Variants in IQCJ observed in about 807,000 individuals in gnomAD.
IQCJ encodes the protein IQ domain-containing protein J.
IQCJ carries 9 observed loss-of-function variants against 11.0 expected under a neutral mutation model. The ratio of observed to expected loss-of-function variants is 0.82; its 90% CI spans 0.49 to 1.43. The LOEUF is 1.43. IQCJ is among the 40% of genes most tolerant of loss of function. The pLI, the probability that IQCJ is intolerant of heterozygous loss-of-function variation, is 0.00. For synonymous variants in IQCJ, 55 were observed against 51.3 expected, an observed-to-expected ratio of 1.07 and a Z score of -0.31; for missense variants, 146 against 133.2, an observed-to-expected ratio of 1.10 and a Z score of -0.47.
At chr3:159,106,396 G>A (rs138957217) in intron 1 of IQCJ, among the ~76,000 whole-genome samples, 1 of 152,268 alleles carries the variant, frequency 6.6e-6, no homozygotes, top group East Asian at 1.9e-4. Flanking sequence ...CATTCAAGGA[G>A]TGAGGGAAGC....
At chr3:159,105,699 G>A (rs996813448) in intron 1 of IQCJ, among the ~76,000 whole-genome samples, 13 of 152,174 alleles carry the variant, frequency 8.5e-5, no homozygotes, top group African/African-American at 2.2e-4. Flanking sequence ...TGGGGCTGGG[G>A]TGGAGGGTGG....
intron 1 of IQCJ, among the ~76,000 whole-genome samples, chr3:159,226,649 G>A (rs548589871): frequency 1.2e-4 from 19 of 152,302 alleles, no homozygotes; most frequent in African/African-American, 4.3e-4. Context: ...TTTTAGAAAT[G>A]GGTAAGACTA....
intron 1 of IQCJ, among the ~76,000 whole-genome samples, chr3:159,179,399 T>C (rs1722964561): frequency 2.0e-5 from 3 of 152,196 alleles, no homozygotes; most frequent in Non-Finnish European, 1.5e-5. Context: ...ACCCTGATTC[T>C]TCTTGATTTC....
intron 1 of IQCJ, among the ~76,000 whole-genome samples, chr3:159,152,742 T>C (rs1438323739): frequency 1.3e-5 from 2 of 152,182 alleles, no homozygotes; most frequent in African/African-American, 2.4e-5. Context: ...CACATTCTAG[T>C]AAGGGAGAGA....
At position 159,090,146 on chromosome 3, in the gene IQCJ, C is replaced by T. The variant is rs545200433; in HGVS notation, c.9+20705C>T. Among the ~76,000 whole-genome samples the T allele has an allele frequency of 7.9e-5, 12 of 151,796 alleles. No individual in the cohort carries two copies. In the South Asian group the frequency reaches 2.5e-3, roughly 31 times the overall value. On this transcript the variant is annotated intron_variant, in intron 1 of 3. Transcript: ENST00000397832. ...TTAGTTTTCCTTCTAACAGACAGGA[C>T]CCTCAGCTGCAGGTCTGTTGGAGTA... is the stretch of plus-strand genomic sequence containing the variant.
intron 1 of IQCJ, among the ~76,000 whole-genome samples, chr3:159,156,450 G>A (rs985894048): frequency 2.6e-5 from 4 of 152,174 alleles, no homozygotes; most frequent in Non-Finnish European, 5.9e-5. Flanking sequence ...ATAGAAAGAA[G>A]AGGCTGTATG....
Position 159,083,375 on chromosome 3 carries a change from A to G in IQCJ, c.9+13934A>G, listed in dbSNP as rs528774153. On this transcript the variant is annotated intron_variant, in intron 1 of 3. Coordinates refer to ENST00000397832, the MANE Select transcript of IQCJ (RefSeq NM_001042706.3). ...ACATGAAAGGATGTCCAACATCATT[A>G]GCCATTGGTGAAGTGCAAATTAAAA... is the stretch of plus-strand genomic sequence containing the variant. 9.8e-5 allele frequency among the ~76,000 whole-genome samples: 15 copies of G among 152,288 alleles called. No individual in the cohort carries two copies. In the East Asian group the frequency reaches 2.9e-3, roughly 29 times the overall value.
chr3:159,086,141 C>A (rs1716749101), intron 1 of IQCJ, among the ~76,000 whole-genome samples: 2 of 152,142 alleles, frequency 1.3e-5, no homozygotes, highest in South Asian at 4.1e-4. Context: ...ATATGGCTAG[C>A]CAGTTTTCCC....
rs147639951 is a variant in IQCJ, at chr3:159,187,443, C to A, written c.10-58400C>A. On this transcript the variant is annotated intron_variant, in intron 1 of 3. Transcript: ENST00000397832. ...GTTGCTCTACTTTCAAATTCATAAG[C>A]AAGCACTATTAAAGCTGTGACTACA... Among the ~76,000 whole-genome samples, 18 of 152,350 alleles carry A rather than the reference C, an allele frequency of 1.2e-4. No homozygotes were observed. In the East Asian group the frequency reaches 2.5e-3, roughly 21 times the overall value.
intron 1 of IQCJ, among the ~76,000 whole-genome samples, chr3:159,236,007 C>T (rs991917110): frequency 2.0e-5 from 3 of 152,122 alleles, no homozygotes; most frequent in Non-Finnish European, 4.4e-5. Context: ...CTCTGAATCT[C>T]GTTGGACATT....
At chr3:159,211,155 A>G (rs1443419749) in intron 1 of IQCJ, among the ~76,000 whole-genome samples, 5 of 152,204 alleles carry the variant, frequency 3.3e-5, no homozygotes, top group East Asian at 1.9e-4. Flanking sequence ...CTGATTATCA[A>G]TGGCTATTTC....
chr3:159,262,451 C>T, intron 3 of IQCJ, 97 bp from the exon 4 acceptor site: 1 of 1,513,754 alleles, frequency 6.6e-7, no homozygotes, highest in South Asian at 1.3e-5. Flanking sequence ...GCACCAAAGC[C>T]AATTCCTTCA....
At chr3:159,190,764 C>T (rs902925178) in intron 1 of IQCJ, among the ~76,000 whole-genome samples, 4 of 152,152 alleles carry the variant, frequency 2.6e-5, no homozygotes, top group African/African-American at 4.8e-5. Context: ...TTCCATGCCT[C>T]ATTTTCCAAT....
chr3:159,168,180 A>T (rs1284430895), intron 1 of IQCJ, among the ~76,000 whole-genome samples: 1 of 152,186 alleles, frequency 6.6e-6, no homozygotes, highest in Non-Finnish European at 1.5e-5. Flanking sequence ...ACTGCTAGGG[A>T]TCCGGCCTTT....
intron 1 of IQCJ, among the ~76,000 whole-genome samples, chr3:159,076,449 C>G (rs1344990158): frequency 1.3e-5 from 2 of 152,062 alleles, no homozygotes; most frequent in East Asian, 3.9e-4. Flanking sequence ...TGTTTGTTAG[C>G]AAGGATGACC....
intron 1 of IQCJ, among the ~76,000 whole-genome samples, chr3:159,139,339 A>G (rs1388763270): frequency 2.6e-5 from 4 of 152,150 alleles, no homozygotes; most frequent in African/African-American, 9.7e-5. Context: ...CTTTACTTGG[A>G]AAAATGTATT....
At chr3:159,172,893 T>A (rs1452746087) in intron 1 of IQCJ, among the ~76,000 whole-genome samples, 1 of 152,178 alleles carries the variant, frequency 6.6e-6, no homozygotes, top group Non-Finnish European at 1.5e-5. Flanking sequence ...GAAACTCCAT[T>A]TATATCCTCA....
At chr3:159,248,912 A>G (rs1188301158) in intron 2 of IQCJ, among the ~76,000 whole-genome samples, 1 of 151,374 alleles carries the variant, frequency 6.6e-6, no homozygotes, top group Non-Finnish European at 1.5e-5. Context: ...GCTGGAATGC[A>G]GTGGTGTGAT....
intron 1 of IQCJ, among the ~76,000 whole-genome samples, chr3:159,078,283 T>G (rs1165299164): frequency 2.0e-5 from 3 of 152,106 alleles, no homozygotes; most frequent in Non-Finnish European, 4.4e-5. Context: ...TTTTGCAAAA[T>G]GCTATATAAA....
Sources: gnomAD v4.1 joint callset for allele counts (sites outside exome capture counted in the v4.1 genomes callset) on GRCh38, gnomAD v4.1.1 for gene constraint, MANE v1.5 for transcripts, NCBI Gene and HGNC (gene_info 2026-07-23, HGNC 2026-07-21) for gene names.